The following ERC1 variants were observed in gnomAD, a reference collection of about 807,000 sequenced individuals.
ERC1 encodes ELKS/RAB6-interacting/CAST family member 1, also known as RAB6 interacting protein 2.
ERC1 carries 56 observed loss-of-function variants against 132.0 expected under a neutral mutation model. The ratio of observed to expected loss-of-function variants is 0.42; its 90% CI spans 0.34 to 0.53. The LOEUF is 0.53. Among genes scored for constraint, ERC1 ranks in the 20% least tolerant of loss-of-function variants. ERC1 has a pLI of 0.03. For synonymous variants in ERC1, 478 were observed against 476.1 expected (o/e 1.00, Z -0.05); for missense variants, 1,202 against 1,349.9 (o/e 0.89, Z 1.72).
At chr12:1,245,750 C>G (rs1299260748) in intron 13 of ERC1, among the ~76,000 whole-genome samples, 1 of 152,062 alleles carries the variant, frequency 6.6e-6, no homozygotes, top group Non-Finnish European at 1.5e-5. Flanking sequence ...ACTTTTTTGT[C>G]ATTTATCATG....
chr12:1,261,559 G>A (rs919163466), intron 13 of ERC1, among the ~76,000 whole-genome samples: 1 of 152,098 alleles, frequency 6.6e-6, no homozygotes, highest in Admixed American at 6.5e-5. Context: ...GACGGGCATC[G>A]TTCCTTGTCT....
At chr12:1,017,686 A>T (rs1346407395) in intron 1 of ERC1, among the ~76,000 whole-genome samples, 1 of 151,840 alleles carries the variant, frequency 6.6e-6, no homozygotes, top group Admixed American at 6.6e-5. Context: ...TTTCGTAGAG[A>T]TGGAGTTTCA....
At chr12:1,299,138 A>G (rs2080201006) in intron 15 of ERC1, among the ~76,000 whole-genome samples, 1 of 152,188 alleles carries the variant, frequency 6.6e-6, no homozygotes. Flanking sequence ...AACAAAAGCA[A>G]TCAGAAATAT....
chr12:1,306,861 A>C (rs2080921214), intron 15 of ERC1, among the ~76,000 whole-genome samples: 1 of 152,148 alleles, frequency 6.6e-6, no homozygotes, highest in African/African-American at 2.4e-5. Context: ...AATAATTGCA[A>C]AGTTTATGTA....
At chr12:1,455,390 A>G (rs2093510079) in intron 18 of ERC1, among the ~76,000 whole-genome samples, 1 of 152,092 alleles carries the variant, frequency 6.6e-6, no homozygotes, top group Non-Finnish European at 1.5e-5. Context: ...TGGCCTCTCA[A>G]GTTCAGTTTT....
chr12:991,406 G>C (rs1163320148), intron 1 of ERC1, 84 bp downstream of exon 1: 2 of 154,064 alleles, frequency 1.3e-5, no homozygotes, highest in Non-Finnish European at 2.9e-5. Flanking sequence ...TGAGGCTTTC[G>C]CCTTTCCTAC....
At chr12:1,055,380 A>C (rs1383012643) in intron 2 of ERC1, among the ~76,000 whole-genome samples, 1 of 152,064 alleles carries the variant, frequency 6.6e-6, no homozygotes, top group East Asian at 1.9e-4. Context: ...GGGTTTTGCC[A>C]TGTTGCCCAG....
intron 16 of ERC1, among the ~76,000 whole-genome samples, chr12:1,394,787 A>G (rs2090393893): frequency 6.6e-6 from 1 of 152,212 alleles, no homozygotes; most frequent in Non-Finnish European, 1.5e-5. Flanking sequence ...TGAGGGACTG[A>G]GTCAATTGAA....
chr12:1,438,954 A>AAAAAAATATATATATATAT (rs1015181197), intron 17 of ERC1, among the ~76,000 whole-genome samples: 11 of 143,484 alleles, frequency 7.7e-5, no homozygotes, highest in African/African-American at 2.9e-4. Context: ...TTTAAAAAAA[A>AAAAAAATATATATATATAT]ATATATATAT....
intron 2 of ERC1, among the ~76,000 whole-genome samples, chr12:1,034,935 C>T (rs1029579726): frequency 6.6e-6 from 1 of 152,120 alleles, no homozygotes; most frequent in Non-Finnish European, 1.5e-5. Flanking sequence ...TGGTGAACAC[C>T]GCCTTATCTA....
chr12:1,299,157 T>C (rs2080203091), intron 15 of ERC1, among the ~76,000 whole-genome samples: 2 of 152,178 alleles, frequency 1.3e-5, no homozygotes, highest in African/African-American at 4.8e-5. Flanking sequence ...ATAGAAGATC[T>C]AAAGACTATT....
At chr12:1,401,786 C>T (rs1489778005) in intron 16 of ERC1, among the ~76,000 whole-genome samples, 5 of 149,594 alleles carry the variant, frequency 3.3e-5, no homozygotes, top group South Asian at 2.1e-4. Context: ...TAAAAGTACA[C>T]GTAGATTTAC....
chr12:1,190,046 T>G lies in ERC1; in HGVS notation c.2345T>G (p.Leu782Trp), dbSNP rs1443621870. The G allele has an allele frequency of 6.2e-7, 1 of 1,612,954 alleles. No homozygotes were observed. ...GACAAAGATAAGAAGATAGCTGAGT[T>G]GGAAAGGTAAGAAAGTGAAGCTGAT... is the stretch of plus-strand genomic sequence containing the variant. ...KNDKDKKIAE[L>W]ERQVKDQNKK... Residue 782 changes from leucine (L) to tryptophan (W), a missense_variant, in exon 12 of 19, where the codon TTG (leucine) becomes TGG (tryptophan). Coordinates refer to ENST00000360905, the MANE Select transcript of ERC1 (RefSeq NM_178040.4).
chr12:1,113,213 G>T (rs1427082783), intron 6 of ERC1, among the ~76,000 whole-genome samples: 1 of 152,190 alleles, frequency 6.6e-6, no homozygotes, highest in African/African-American at 2.4e-5. Flanking sequence ...TATCCAAGGT[G>T]TGTCTTGGAA....
chr12:1,067,926 C>CTTTTTTTTTTTTTTTTTTTTTTTT (rs71441641), intron 2 of ERC1, among the ~76,000 whole-genome samples: 1 of 120,980 alleles, frequency 8.3e-6, no homozygotes, highest in Non-Finnish European at 1.7e-5. Flanking sequence ...TTAGCCACTG[C>CTTTTTTTTTTTTTTTTTTTTTTTT]TTTTTTTTTT....
chr12:1,004,558 C>T (rs1280800447), intron 1 of ERC1, among the ~76,000 whole-genome samples: 1 of 151,822 alleles, frequency 6.6e-6, no homozygotes, highest in Non-Finnish European at 1.5e-5. Context: ...AGGTGCCCAC[C>T]ACCACACCCA....
intron 15 of ERC1, among the ~76,000 whole-genome samples, chr12:1,367,535 A>G (rs1422927338): frequency 6.6e-6 from 1 of 152,148 alleles, no homozygotes; most frequent in Non-Finnish European, 1.5e-5. Flanking sequence ...TCACAACGCT[A>G]ATTACGGTCT....
intron 15 of ERC1, among the ~76,000 whole-genome samples, chr12:1,315,897 A>ATTT (rs1470031394): frequency 7.4e-6 from 1 of 135,818 alleles, no homozygotes; most frequent in African/African-American, 2.8e-5. Context: ...AATGGTAAAC[A>ATTT]TTTTTTTTTT....
At chr12:1,039,180 C>CA (rs1356877011) in intron 2 of ERC1, among the ~76,000 whole-genome samples, 2 of 151,264 alleles carry the variant, frequency 1.3e-5, no homozygotes, top group South Asian at 2.1e-4. Flanking sequence ...ACTAAAAATA[C>CA]AAAAAAATTA....
Sources: allele counts gnomAD v4.1 joint callset (sites outside exome capture counted in the v4.1 genomes callset), GRCh38; gene constraint gnomAD v4.1.1; transcripts MANE v1.5; gene names NCBI Gene and HGNC (gene_info 2026-07-23, HGNC 2026-07-21).